The following MCM8 variants were observed in gnomAD, a reference collection of about 807,000 sequenced individuals.
MCM8 encodes the protein minichromosome maintenance 8 homologous recombination repair factor.
In MCM8, 85 loss-of-function variants were observed where a neutral mutation model predicts 98.9. That is an observed-to-expected ratio of 0.86 (90% CI 0.72 to 1.03). MCM8 has a LOEUF of 1.03. Among genes scored for constraint, MCM8 ranks in the 50% least tolerant of loss-of-function variants. The pLI is 0.00. For synonymous variants in MCM8, 352 were observed against 338.6 expected (o/e 1.04, Z -0.44); for missense variants, 951 against 997.8 (o/e 0.95, Z 0.63).
chr20:5,980,041 G>A (rs569295036), intron 13 of MCM8, among the ~76,000 whole-genome samples: 30 of 152,270 alleles, frequency 2.0e-4, no homozygotes, highest in Admixed American at 1.6e-3. Flanking sequence ...TGTACTTACT[G>A]TTCTGTTTGC....
rs145133959 is a variant in MCM8, at chr20:5,955,179, A to G, written c.414A>G (p.Ile138Met). Residue 138 changes from isoleucine (I) to methionine (M), a missense_variant, in exon 5 of 19, where the codon ATA becomes ATG. Physicochemically the swap from Ile to Met is conservative, Grantham distance 10. Transcript: ENST00000610722. ...LTEGGEVTNL[I>M]PDIATELRDA... ...AAGGTGGTGAAGTAACTAACTTGAT[A>G]CCAGATATAGCAACTGAACTAAGAG... The G allele has an allele frequency of 3.9e-3, 6,252 of 1,613,946 alleles. 84 individuals are homozygous for G. The highest frequency in any genetic ancestry group is 0.028 in the South Asian group (2,520 of 91,012).
chr20:5,962,654 G>A (rs1422199102), intron 7 of MCM8, among the ~76,000 whole-genome samples: 1 of 68,554 alleles, frequency 1.5e-5, no homozygotes, highest in Non-Finnish European at 2.3e-5. Flanking sequence ...GATTACAGGC[G>A]TGAGCCACCG....
chr20:5,963,007 G>T (rs2122697131), intron 7 of MCM8, among the ~76,000 whole-genome samples: 1 of 152,286 alleles, frequency 6.6e-6, no homozygotes, highest in South Asian at 2.1e-4. Context: ...TGCTTCATGT[G>T]GGAGGCAAGC....
chr20:5,953,940 G>T (rs1217464181), intron 3 of MCM8, among the ~76,000 whole-genome samples: 1 of 152,086 alleles, frequency 6.6e-6, no homozygotes, highest in Non-Finnish European at 1.5e-5. Flanking sequence ...TTTCATGAAT[G>T]ATCTTTTGTT....
At chr20:5,974,878 A>T (rs922963889) in intron 12 of MCM8, among the ~76,000 whole-genome samples, 1 of 152,164 alleles carries the variant, frequency 6.6e-6, no homozygotes, top group African/African-American at 2.4e-5. Context: ...GCTACTTTTT[A>T]AAAAATAAAT....
rs1045990132 is a variant in MCM8, at chr20:5,985,826, G to C, written c.1954-96G>C. 8.1e-6 allele frequency: 10 copies of C among 1,236,576 alleles called. No individual in the cohort carries two copies. In the Admixed American group the frequency reaches 1.3e-4, roughly 17 times the overall value. 76.6% of individuals were successfully genotyped at this position (1,236,576 alleles called of 1,614,324 possible). ...CTCCCAAAGCGCAGGGATTACAGGC[G>C]TGAGCCACTGCACCTGGCCTAAACA... On this transcript the variant is annotated intron_variant, in intron 15 of 18. Transcript: ENST00000610722.
chr20:5,973,097 C>T lies in MCM8; in HGVS notation c.1296C>T (p.Ser432=). Residue 432 remains serine, a synonymous_variant, in exon 12 of 19, where the codon AGC becomes AGT. Coordinates refer to ENST00000610722, the MANE Select transcript of MCM8 (RefSeq NM_032485.6). Reference sequence around the variant, plus strand: ...TGGCATTAGCACTCTTTGGAGGAAGCCAGAAATACGCAGATGACAAAAACA... The same window carrying T: ...TGGCATTAGCACTCTTTGGAGGAAGTCAGAAATACGCAGATGACAAAAACA... ...AGLALALFGG[S]QKYADDKNRI... 6.2e-7 allele frequency: 1 copy of T among 1,614,136 alleles called. No homozygotes were observed. Among genetic ancestry groups the T allele is most frequent in the Non-Finnish European group, 8.5e-7 (1 of 1,180,014 alleles).
intron 12 of MCM8, 142 bp downstream of exon 12, chr20:5,973,338 T>A: frequency 9.7e-7 from 1 of 1,029,358 alleles, no homozygotes; most frequent in Non-Finnish European, 1.4e-6. Context: ...TTTGTGTGAG[T>A]AATATGTAAC....
chr20:5,961,251 C>T (rs1479401279), intron 7 of MCM8, among the ~76,000 whole-genome samples: 3 of 152,078 alleles, frequency 2.0e-5, no homozygotes, highest in Admixed American at 6.6e-5. Context: ...AGGTGAAAAG[C>T]TATTTATCCT....
chr20:5,960,024 A>G (rs1466776018), intron 7 of MCM8, among the ~76,000 whole-genome samples: 1 of 152,070 alleles, frequency 6.6e-6, no homozygotes, highest in Non-Finnish European at 1.5e-5. Context: ...TACTTTCCAG[A>G]GTATTGTTCC....
rs536303668 is a variant in MCM8 at position 5,989,819 on chromosome 20, A to G, written c.2240+2461A>G. 5.3e-5 allele frequency among the ~76,000 whole-genome samples: 8 copies of G among 152,300 alleles called. No individual in the cohort carries two copies. The South Asian group carries it at 1.2e-3, about 24-fold the overall frequency. On this transcript the variant is annotated intron_variant, in intron 17 of 18. Coordinates refer to ENST00000610722, the MANE Select transcript of MCM8 (RefSeq NM_032485.6). ...TGTTTCCTGCCCTTAGAGGGAGTCC[A>G]TGGAAGAAGAGGAACCTTTCTCCTT...
intron 8 of MCM8, among the ~76,000 whole-genome samples, chr20:5,965,008 T>A (rs1039574360): frequency 1.2e-4 from 18 of 152,194 alleles, no homozygotes; most frequent in African/African-American, 4.3e-4. Context: ...CTGAGGACAT[T>A]AGAAACATAC....
At chr20:5,972,858 A>G (rs2122744966) in intron 11 of MCM8, 198 bp from the exon 12 acceptor site, 12 of 1,350,762 alleles carry the variant, frequency 8.9e-6, no homozygotes, top group Middle Eastern at 1.9e-4. Flanking sequence ...CTCTGATTTT[A>G]TATGTTTTCA....
intron 6 of MCM8, among the ~76,000 whole-genome samples, 184 bp downstream of exon 6, chr20:5,957,413 C>G (rs1010935283): frequency 1.3e-5 from 2 of 152,198 alleles, no homozygotes; most frequent in African/African-American, 4.8e-5. Context: ...ATGACAGATA[C>G]TTCCTAAATA....
At position 5,985,001 on chromosome 20, in the gene MCM8, G is replaced by T. The variant is rs775156125; in HGVS notation, c.1953+1G>T. ...GAAGCCATTATCAGAAAGACTAAAGGTATAAATGTTTCTTCTCCTTATTCA... is the reference window on the plus strand; with the variant it reads ...GAAGCCATTATCAGAAAGACTAAAGTTATAAATGTTTCTTCTCCTTATTCA... On this transcript the variant is annotated splice_donor_variant, in intron 15 of 18. Coordinates refer to ENST00000610722, the MANE Select transcript of MCM8 (RefSeq NM_032485.6). LOFTEE classifies it high-confidence loss of function. 1.2e-6 allele frequency: 2 copies of T among 1,609,656 alleles called. No individual in the cohort carries two copies. The highest frequency in any genetic ancestry group is 1.7e-5 in the Admixed American group (1 of 59,958).
intron 3 of MCM8, among the ~76,000 whole-genome samples, chr20:5,953,441 GT>G (rs1324615618): frequency 5.1e-3 from 75 of 14,580 alleles, no homozygotes; most frequent in East Asian, 0.17. Flanking sequence ...CATGAGGGGT[GT>G]GTGTGTGTGT....
intron 12 of MCM8, among the ~76,000 whole-genome samples, chr20:5,973,577 T>C (rs2089448971): frequency 1.3e-5 from 2 of 152,214 alleles, no homozygotes; most frequent in South Asian, 4.1e-4. Context: ...ACATAAACAC[T>C]GTATTGGGCT....
At chr20:5,953,370 G>A (rs1245485039) in intron 3 of MCM8, among the ~76,000 whole-genome samples, 1 of 152,032 alleles carries the variant, frequency 6.6e-6, no homozygotes, top group Non-Finnish European at 1.5e-5. Flanking sequence ...ACATCAGTCT[G>A]TATAGGTGCA....
At chr20:5,987,478 CAG>C in intron 17 of MCM8, 120 bp downstream of exon 17, 1 of 684,504 alleles carries the variant, frequency 1.5e-6, no homozygotes, top group South Asian at 2.2e-5. Context: ...TCCTCCTAAA[CAG>C]AGTACCGTTT....
Sources: allele counts gnomAD v4.1 joint callset (sites outside exome capture counted in the v4.1 genomes callset), GRCh38; gene constraint gnomAD v4.1.1; transcripts MANE v1.5; gene names NCBI Gene and HGNC (gene_info 2026-07-23, HGNC 2026-07-21).